The following KLHL32 variants were observed in gnomAD, a reference collection of about 807,000 sequenced individuals.
The protein encoded by KLHL32 is kelch like family member 32.
A neutral mutation model predicts 64.8 loss-of-function variants in KLHL32; 35 were observed. That is an observed-to-expected ratio of 0.54 (90% CI 0.41 to 0.72). The LOEUF is 0.72. KLHL32 is among the 30% of genes least tolerant of loss of function. The pLI is 0.00. For missense variants in KLHL32, 589 were observed against 768.5 expected, an observed-to-expected ratio of 0.77 and a Z score of 2.76; for synonymous variants, 259 against 281.0, an observed-to-expected ratio of 0.92 and a Z score of 0.78.
At chr6:96,990,511 C>T (rs1035692698) in intron 3 of KLHL32, among the ~76,000 whole-genome samples, 1 of 152,170 alleles carries the variant, frequency 6.6e-6, no homozygotes, top group Non-Finnish European at 1.5e-5. Flanking sequence ...GTTTCTTCTC[C>T]CAGTCAATTT....
At chr6:96,970,993 T>C (rs1775043293) in intron 2 of KLHL32, among the ~76,000 whole-genome samples, 1 of 152,102 alleles carries the variant, frequency 6.6e-6, no homozygotes, top group African/African-American at 2.4e-5. Flanking sequence ...ACCAATAGAC[T>C]GAATTGAGAT....
At chr6:97,048,915 T>C (rs137935430) in intron 4 of KLHL32, among the ~76,000 whole-genome samples, 1 of 152,336 alleles carries the variant, frequency 6.6e-6, no homozygotes, top group East Asian at 1.9e-4. Flanking sequence ...GTTAAGACTA[T>C]TCAGTGGTTT....
At chr6:97,103,452 A>G (rs1796010162) in intron 6 of KLHL32, among the ~76,000 whole-genome samples, 1 of 152,164 alleles carries the variant, frequency 6.6e-6, no homozygotes, top group South Asian at 2.1e-4. Flanking sequence ...TGACCTTGTG[A>G]TCTGCCCGCC....
intron 1 of KLHL32, among the ~76,000 whole-genome samples, chr6:96,927,756 G>A (rs1769342136): frequency 6.6e-6 from 1 of 152,202 alleles, no homozygotes; most frequent in African/African-American, 2.4e-5. Context: ...TGCACCTCTA[G>A]TAAGGAGCTA....
chr6:97,032,498 T>G (rs1219496532), intron 3 of KLHL32, among the ~76,000 whole-genome samples: 1 of 152,202 alleles, frequency 6.6e-6, no homozygotes, highest in African/African-American at 2.4e-5. Flanking sequence ...ACCCTAGAAA[T>G]GTCGATTTTT....
chr6:97,079,864 GA>G (rs911333489), intron 5 of KLHL32, among the ~76,000 whole-genome samples: 394 of 147,384 alleles, frequency 2.7e-3, no homozygotes, highest in African/African-American at 9.4e-3. Flanking sequence ...AACCTTTTTA[GA>G]AAAAAAAAAG....
At chr6:97,074,351 C>T (rs889351905) in intron 5 of KLHL32, among the ~76,000 whole-genome samples, 6 of 152,086 alleles carry the variant, frequency 3.9e-5, no homozygotes, top group African/African-American at 1.4e-4. Context: ...ATTCTGTTGC[C>T]ACACTGCTTT....
intron 3 of KLHL32, among the ~76,000 whole-genome samples, chr6:96,990,034 T>C (rs1461116549): frequency 6.6e-6 from 1 of 152,236 alleles, no homozygotes; most frequent in Non-Finnish European, 1.5e-5. Flanking sequence ...GTTTCAACTT[T>C]CTCCTGAATT....
At chr6:96,907,674 T>C in the KLHL32 span, among the ~76,000 whole-genome samples, 4 of 152,354 alleles carry the variant, frequency 2.6e-5, no homozygotes, top group South Asian at 8.3e-4. Context: ...GAAGAGTGAC[T>C]CTGTGATCTT....
chr6:97,074,070 C>T (rs911159425), intron 5 of KLHL32, among the ~76,000 whole-genome samples: 3 of 152,154 alleles, frequency 2.0e-5, no homozygotes, highest in Admixed American at 6.5e-5. Flanking sequence ...TTGAAGGCCT[C>T]GGGTCACACA....
chr6:97,023,074 A>G (rs1036392886), intron 3 of KLHL32, among the ~76,000 whole-genome samples: 2 of 152,134 alleles, frequency 1.3e-5, no homozygotes, highest in Non-Finnish European at 2.9e-5. Flanking sequence ...CCACAATCCA[A>G]TCACCTCCCA....
At chr6:96,922,469 CAG>C (rs1485528786), upstream of KLHL32, among the ~76,000 whole-genome samples, 12 of 150,180 alleles carry the variant, frequency 8.0e-5, no homozygotes, top group Admixed American at 7.3e-4. Context: ...CTAAATTAGG[CAG>C]AGAGTTTTCA....
chr6:96,985,279 G>T (rs1172375606), intron 3 of KLHL32, among the ~76,000 whole-genome samples: 3 of 152,146 alleles, frequency 2.0e-5, no homozygotes, highest in Admixed American at 6.5e-5. Context: ...GGGTAACCTG[G>T]TCTTTCTCTC....
chr6:96,989,772 A>G (rs556432537), intron 3 of KLHL32, among the ~76,000 whole-genome samples: 1 of 152,168 alleles, frequency 6.6e-6, no homozygotes, highest in Admixed American at 6.5e-5. Context: ...ACATAATCCA[A>G]TATTTCTTGG....
chr6:97,113,145 A>G (rs1315204216), intron 6 of KLHL32, among the ~76,000 whole-genome samples: 1 of 152,150 alleles, frequency 6.6e-6, no homozygotes, highest in Non-Finnish European at 1.5e-5. Context: ...TCAAGGTAAA[A>G]GTTAATTGAG....
the KLHL32 span, among the ~76,000 whole-genome samples, chr6:96,908,189 A>T: frequency 6.6e-6 from 1 of 152,238 alleles, no homozygotes. Context: ...ATACTCCTTG[A>T]TAATGTACAA....
At chr6:96,901,379 C>T in the KLHL32 span, among the ~76,000 whole-genome samples, 49,039 of 150,892 alleles carry the variant, frequency 0.32, 8,041 homozygotes, top group Middle Eastern at 0.37. Context: ...AGAGACTTCC[C>T]GCATTTCTTG....
At chr6:97,107,709 G>T (rs1796604099) in intron 6 of KLHL32, among the ~76,000 whole-genome samples, 1 of 152,128 alleles carries the variant, frequency 6.6e-6, no homozygotes, top group African/African-American at 2.4e-5. Flanking sequence ...AGCCTTGAGG[G>T]CTTATAAAGG....
In KLHL32 at chr6:96,934,195, C is replaced by T. The variant is rs117195980; in HGVS notation, c.-66+9169C>T. Among the ~76,000 whole-genome samples the T allele has an allele frequency of 4.0e-3, 609 of 152,286 alleles. 3 individuals carry two copies. Among genetic ancestry groups the T allele is most frequent in the Middle Eastern group, 0.017 (5 of 294 alleles). ...CTAGAGGTTTGCAACAAGGCTGGTC[C>T]TCAGAATGACCTGAGGTTGTTTCGA... On this transcript the variant is annotated intron_variant, in intron 1 of 10. Transcript: ENST00000369261.
Sources: gnomAD v4.1 joint callset for allele counts (sites outside exome capture counted in the v4.1 genomes callset) on GRCh38, gnomAD v4.1.1 for gene constraint, MANE v1.5 for transcripts, NCBI Gene and HGNC (gene_info 2026-07-23, HGNC 2026-07-21) for gene names.